The following MYO1B variants were observed in gnomAD, a reference collection of about 807,000 sequenced individuals.
MYO1B encodes unconventional myosin-Ib.
Under a neutral mutation model 159.7 loss-of-function variants are expected in MYO1B, and 72 were observed. That is an observed-to-expected ratio of 0.45 (90% CI 0.37 to 0.55). MYO1B has a LOEUF of 0.55. MYO1B is among the 20% of genes least tolerant of loss of function. The pLI, the probability that MYO1B is intolerant of heterozygous loss-of-function variation, is 0.00. For synonymous variants in MYO1B, 468 were observed against 473.8 expected, an observed-to-expected ratio of 0.99 and a Z score of 0.16; for missense variants, 1,062 against 1,364.8, an observed-to-expected ratio of 0.78 and a Z score of 3.50.
intron 14 of MYO1B, among the ~76,000 whole-genome samples, chr2:191,382,128 A>T (rs1035839275): frequency 2.0e-5 from 3 of 152,122 alleles, no homozygotes; most frequent in African/African-American, 4.8e-5. Context: ...TTTATTTTTT[A>T]AAATAGCCAG....
At chr2:191,321,492 A>G (rs1690708564) in intron 3 of MYO1B, among the ~76,000 whole-genome samples, 1 of 152,232 alleles carries the variant, frequency 6.6e-6, no homozygotes, top group African/African-American at 2.4e-5. Flanking sequence ...GGGTATTAAA[A>G]GGTGATTGTT....
intron 1 of MYO1B, chr2:191,247,825 G>GGCCGTTCTGGTGGAT: frequency 1.8e-6 from 1 of 565,090 alleles, no homozygotes; most frequent in Non-Finnish European, 2.2e-6. Flanking sequence ...TCTGGTCTCT[G>GGCCGTTCTGGTGGAT]GCCTCTGGCC....
intron 3 of MYO1B, among the ~76,000 whole-genome samples, chr2:191,298,489 A>C (rs1001557956): frequency 1.1e-4 from 17 of 152,140 alleles, no homozygotes; most frequent in African/African-American, 4.1e-4. Context: ...TTATGAAAAA[A>C]TCTGGATTCC....
In MYO1B at chr2:191,272,998, G is replaced by T. The variant is rs943070545; in HGVS notation, c.-9-3889G>T. Among the ~76,000 whole-genome samples, 4 of 152,312 alleles carry T rather than the reference G, an allele frequency of 2.6e-5. No individual in the cohort carries two copies. The East Asian group carries it at 7.7e-4, about 29-fold the overall frequency. On this transcript the variant is annotated intron_variant, in intron 1 of 30. Coordinates refer to ENST00000392318, the MANE Select transcript of MYO1B (RefSeq NM_001130158.3). ...ACTCAAACAGCTTAGACAATAAAGAGAACTAATTGGCTTACATCACTGAAA... is the reference window on the plus strand; with the variant it reads ...ACTCAAACAGCTTAGACAATAAAGATAACTAATTGGCTTACATCACTGAAA...
chr2:191,383,448 T>A (rs2883987), intron 15 of MYO1B, 106 bp downstream of exon 15: 93,479 of 126,232 alleles, frequency 0.74, 34,156 homozygotes, highest in South Asian at 0.85. Context: ...TCACTGTTTT[T>A]TATATATATA....
chr2:191,422,193 G>A (rs984605049), intron 30 of MYO1B, among the ~76,000 whole-genome samples: 2 of 152,192 alleles, frequency 1.3e-5, no homozygotes, highest in Non-Finnish European at 2.9e-5. Context: ...GCCATTGACT[G>A]AGAAAACCAT....
At chr2:191,422,847 C>T (rs1404664482) in intron 30 of MYO1B, among the ~76,000 whole-genome samples, 7 of 150,926 alleles carry the variant, frequency 4.6e-5, no homozygotes, top group Non-Finnish European at 7.4e-5. Flanking sequence ...TTTTTTTTGC[C>T]GTGGAAAAAT....
intron 21 of MYO1B, among the ~76,000 whole-genome samples, chr2:191,397,757 C>T (rs1258420484): frequency 1.4e-5 from 2 of 145,510 alleles, no homozygotes; most frequent in Admixed American, 1.3e-4. Context: ...CCTCACTTCC[C>T]AGTAGGGGCG....
chr2:191,404,433 G>A (rs1696792593), intron 24 of MYO1B, among the ~76,000 whole-genome samples: 1 of 152,122 alleles, frequency 6.6e-6, no homozygotes, highest in Non-Finnish European at 1.5e-5. Context: ...TCATTTGTCT[G>A]CTTTCCTATA....
At chr2:191,335,124 C>T (rs1342139533) in intron 4 of MYO1B, among the ~76,000 whole-genome samples, 1 of 152,136 alleles carries the variant, frequency 6.6e-6, no homozygotes, top group Non-Finnish European at 1.5e-5. Context: ...TGTCTGTTAT[C>T]ACTAAGACGC....
chr2:191,409,077 A>T lies in MYO1B; in HGVS notation c.2665A>T (p.Met889Leu), dbSNP rs570289277. The change falls in exon 26 of 31, where the codon ATG becomes TTG. Residue 889 changes from methionine to leucine, a missense_variant. Met to Leu is a conservative substitution (Grantham distance 15, BLOSUM62 2). This residue lies in a region of MYO1B where 609 missense variants were observed against 744.4 expected (regional missense o/e 0.82). Transcript: ENST00000392318. ...ATACTTCTTGGAAATGAAAAATAAG[A>T]TGCCTTCCTTATCTCCAATAGACAA... ...QKYFLEMKNK[M>L]PSLSPIDKNW... 4.3e-6 allele frequency: 7 copies of T among 1,611,968 alleles called. No individual in the cohort carries two copies. In the African/African-American group the frequency reaches 9.3e-5, roughly 22 times the overall value.
intron 1 of MYO1B, among the ~76,000 whole-genome samples, chr2:191,274,469 T>G (rs1235521206): frequency 6.6e-6 from 1 of 152,196 alleles, no homozygotes; most frequent in Non-Finnish European, 1.5e-5. Flanking sequence ...TATACAGGAA[T>G]CCACCCCAGG....
intron 13 of MYO1B, chr2:191,379,332 T>C (rs1282010581): frequency 6.5e-6 from 1 of 152,688 alleles, no homozygotes; most frequent in Non-Finnish European, 1.5e-5. Flanking sequence ...ATAGCTTCTC[T>C]AGCTGTGTGA....
At chr2:191,361,981 A>C (rs984685841) in intron 8 of MYO1B, among the ~76,000 whole-genome samples, 5 of 152,148 alleles carry the variant, frequency 3.3e-5, no homozygotes, top group Non-Finnish European at 2.9e-5. Context: ...CACCAGGCAG[A>C]CCTCATATGT....
chr2:191,311,118 A>G (rs1374189838), intron 3 of MYO1B, among the ~76,000 whole-genome samples: 1 of 152,234 alleles, frequency 6.6e-6, no homozygotes, highest in Non-Finnish European at 1.5e-5. Context: ...TTGAGATCCA[A>G]AAAGAATATC....
At chr2:191,249,089 A>G (rs1685962846) in intron 1 of MYO1B, among the ~76,000 whole-genome samples, 1 of 152,262 alleles carries the variant, frequency 6.6e-6, no homozygotes, top group African/African-American at 2.4e-5. Context: ...GTGGTAGAAC[A>G]GAGTAGATCT....
Position 191,414,147 on chromosome 2 carries a change from AGTC to A in MYO1B, c.2976_2978del (p.Val993del). On this transcript the variant is annotated inframe_deletion, in exon 28 of 31. Transcript: ENST00000392318. ...TTGAAGAAAAGATCATCATTGCTGA[AGTC>A]GTGAACAAAATTAACCGTGCTAATG... 1 of 1,613,526 alleles carries A rather than the reference AGTC, an allele frequency of 6.2e-7. No homozygotes were observed. Among genetic ancestry groups the A allele is most frequent in the Non-Finnish European group, 8.5e-7 (1 of 1,179,726 alleles).
chr2:191,384,759 A>G (rs1056729499), intron 15 of MYO1B, among the ~76,000 whole-genome samples: 11 of 152,230 alleles, frequency 7.2e-5, no homozygotes, highest in African/African-American at 2.7e-4. Flanking sequence ...AAGAGGAGAA[A>G]AAGAACAGTG....
Position 191,363,775 on chromosome 2 carries a change from C to G in MYO1B, c.813C>G (p.Val271=), listed in dbSNP as rs1473745700. The G allele has an allele frequency of 1.9e-6, 3 of 1,613,404 alleles. No homozygotes were observed. In the African/African-American group the frequency reaches 4.0e-5, roughly 22 times the overall value. Residue 271 remains valine (V), a synonymous_variant, in exon 10 of 31, where the codon GTC becomes GTG. Transcript: ENST00000392318. ...VGFMDHEAES[V]LAVVAAVLKL... is the part of the protein sequence containing the mutation. ...TTATGGATCATGAAGCTGAGTCTGT[C>G]TTGGCGGTGGTGGCAGCAGTGTTGA...
Sources: allele counts gnomAD v4.1 joint callset (sites outside exome capture counted in the v4.1 genomes callset), GRCh38; gene constraint gnomAD v4.1.1; regional missense constraint gnomAD v4.1.1; transcripts MANE v1.5; gene names NCBI Gene and HGNC (gene_info 2026-07-23, HGNC 2026-07-21).